The following HP variants were observed in gnomAD, a reference collection of about 807,000 sequenced individuals.
HP encodes the protein haptoglobin.
A neutral mutation model predicts 23.2 loss-of-function variants in HP; 9 were observed. That is an observed-to-expected ratio of 0.39 (90% CI 0.23 to 0.68). The LOEUF is 0.68. Ranked by LOEUF, HP falls within the 30% of genes least tolerant of loss-of-function variation. The probability of loss-of-function intolerance (pLI) is 0.47; values close to 1 mark genes in which losing one functional copy is unlikely to be tolerated. For missense variants in HP, 433 were observed against 483.6 expected, an observed-to-expected ratio of 0.90 and a Z score of 0.98; for synonymous variants, 155 against 183.3, an observed-to-expected ratio of 0.85 and a Z score of 1.25.
At chr16:72,057,143 T>G (rs2041473312) in intron 3 of HP, 1 of 561,102 alleles carries the variant, frequency 1.8e-6, no homozygotes, top group Non-Finnish European at 3.3e-6. Flanking sequence ...CCCTGAGCCC[T>G]CCCTGTACTG....
intron 1 of HP, 188 bp from the exon 2 acceptor site, chr16:72,055,973 G>C: frequency 2.9e-6 from 3 of 1,032,376 alleles, no homozygotes; most frequent in Non-Finnish European, 4.3e-6. Flanking sequence ...TGTATGGGCA[G>C]GTGTGGGGGC....
chr16:72,060,480 G>A lies in HP; in HGVS notation c.811G>A (p.Asp271Asn), dbSNP rs189039907. ...RVMPICLPSKDYAEVGRVGYV... is the reference protein window; with the variant it reads ...RVMPICLPSKNYAEVGRVGYV... ...GATGCCCATCTGCCTACCTTCAAAG[G>A]ATTATGCAGAAGTAGGGCGTGTGGG... Residue 271 changes from aspartate to asparagine, a missense_variant, in exon 7 of 7, where the codon GAT becomes AAT. This residue lies in a region of HP where 326 missense variants were observed against 358.1 expected (regional missense o/e 0.91). Transcript: ENST00000355906. The A allele has an allele frequency of 3.5e-5, 56 of 1,614,024 alleles. No individual in the cohort carries two copies. The highest frequency in any genetic ancestry group is 4.5e-5 in the East Asian group (2 of 44,860).
chr16:72,059,242 G>A (rs1223691956), intron 6 of HP, 54 bp downstream of exon 6: 1 of 1,559,542 alleles, frequency 6.4e-7, no homozygotes, highest in Admixed American at 1.7e-5. Context: ...GAACGTCCTA[G>A]AGGCACAGCC....
At chr16:72,059,771 C>A (rs1192406159) in intron 6 of HP, 1 of 447,082 alleles carries the variant, frequency 2.2e-6, no homozygotes, top group Non-Finnish European at 4.0e-6. Flanking sequence ...ATTGTAGCCC[C>A]TAGCCCTTTC....
At chr16:72,059,991 G>C in intron 6 of HP, 121 bp from the exon 7 acceptor site, 1 of 1,529,202 alleles carries the variant, frequency 6.5e-7, no homozygotes. Context: ...GGTGGTAAGG[G>C]CAAAGCATTT....
At chr16:72,059,235 C>A (rs3852780) in intron 6 of HP, 47 bp downstream of exon 6, 252,043 of 1,555,558 alleles carry the variant, frequency 0.16, 47,249 homozygotes, top group Non-Finnish European at 0.17. Flanking sequence ...CAGCGGGGAA[C>A]GTCCTAGAGG....
chr16:72,056,121 G>C, intron 1 of HP, 40 bp from the exon 2 acceptor site: 1 of 1,590,082 alleles, frequency 6.3e-7, no homozygotes, highest in East Asian at 2.2e-5. Context: ...TGTGAAGCAG[G>C]GAGACTAGCT....
intron 1 of HP, 171 bp downstream of exon 1, chr16:72,054,828 G>A: frequency 1.3e-6 from 1 of 748,852 alleles, no homozygotes. Context: ...ATCCATAGAA[G>A]ACAGTGCTGC....
intron 2 of HP, 40 bp downstream of exon 2, chr16:72,056,283 A>T: frequency 6.3e-7 from 1 of 1,594,854 alleles, no homozygotes; most frequent in Non-Finnish European, 8.6e-7. Context: ...TCCCACTCTG[A>T]CCCTCTCGGG....
chr16:72,056,406 C>T, intron 2 of HP, 124 bp from the exon 3 acceptor site: 1 of 1,581,192 alleles, frequency 6.3e-7, no homozygotes, highest in Non-Finnish European at 8.6e-7. Context: ...CTTGCCTTTC[C>T]ATTGGCTTCT....
intron 2 of HP, 24 bp from the exon 3 acceptor site, chr16:72,056,504 ACT>A: frequency 2.0e-6 from 3 of 1,474,248 alleles, no homozygotes; most frequent in Non-Finnish European, 2.8e-6. Context: ...CAAATAGCAA[ACT>A]CTCTGGCTTC....
In HP at chr16:72,054,587, G is replaced by C. The variant is rs572409718; in HGVS notation, c.-66G>C. Reference sequence around the variant, plus strand: ...ATGGAGAAGGGGGAGAAGTGAGCTAGTGGCAGCATAAAAAGACCAGCAGAT... The same window carrying C: ...ATGGAGAAGGGGGAGAAGTGAGCTACTGGCAGCATAAAAAGACCAGCAGAT... On this transcript the variant is annotated 5_prime_UTR_variant, in exon 1 of 7. Transcript: ENST00000355906. The C allele has an allele frequency of 2.5e-5, 40 of 1,596,024 alleles. No homozygotes were observed. In the African/African-American group the frequency reaches 3.7e-4, roughly 15 times the overall value.
At chr16:72,056,039 G>A in intron 1 of HP, 122 bp from the exon 2 acceptor site, 3 of 1,463,304 alleles carry the variant, frequency 2.1e-6, no homozygotes, top group Non-Finnish European at 2.8e-6. Flanking sequence ...CTGCTAAGTG[G>A]GAGGAGTGTG....
chr16:72,060,100 T>C lies in HP; in HGVS notation c.443-12T>C, dbSNP rs2041517418. On this transcript the variant is annotated splice_polypyrimidine_tract_variant and intron_variant, in intron 6 of 6. Transcript: ENST00000355906. ...ACATTTCCACTCACGAGTGTCTTGC[T>C]CTCCTTGACAGTATGTGGGAAGCCC... 1 of 1,609,670 alleles carries C rather than the reference T, an allele frequency of 6.2e-7. No individual in the cohort carries two copies. Among genetic ancestry groups the C allele is most frequent in the South Asian group, 1.1e-5 (1 of 90,822 alleles).
intron 1 of HP, 88 bp from the exon 2 acceptor site, chr16:72,056,073 G>GTGTA: frequency 6.6e-7 from 1 of 1,518,940 alleles, no homozygotes; most frequent in African/African-American, 1.4e-5. Flanking sequence ...GTGTGTGTGT[G>GTGTA]TGTGTACATG....
intron 5 of HP, 91 bp from the exon 6 acceptor site, chr16:72,059,022 TC>T (rs2041497317): frequency 7.7e-7 from 1 of 1,305,396 alleles, no homozygotes; most frequent in Non-Finnish European, 1.1e-6. Context: ...CTTTTCCTCT[TC>T]CTTTTAGTTC....
At chr16:72,054,925 T>C in intron 1 of HP, 1 of 637,026 alleles carries the variant, frequency 1.6e-6, no homozygotes, top group Non-Finnish European at 2.7e-6. Flanking sequence ...TGTCATCAGC[T>C]CCCGTGGTAG....
intron 1 of HP, chr16:72,054,893 A>G: frequency 1.2e-6 from 1 of 854,414 alleles, no homozygotes. Flanking sequence ...CCTTCAGGTT[A>G]CATTTTTGAC....
chr16:72,056,291 G>C, intron 2 of HP, 48 bp downstream of exon 2: 1 of 1,583,582 alleles, frequency 6.3e-7, no homozygotes, highest in Non-Finnish European at 8.7e-7. Context: ...TGACCCTCTC[G>C]GGTCTGCACT....
Sources: gnomAD v4.1 joint callset for allele counts on GRCh38, gnomAD v4.1.1 for gene constraint, gnomAD v4.1.1 regional missense constraint, MANE v1.5 for transcripts, NCBI Gene and HGNC (gene_info 2026-07-23, HGNC 2026-07-21) for gene names.